Variants in CNR2 observed in about 807,000 individuals in gnomAD.
CNR2 encodes the protein cannabinoid receptor 2.
For missense variants in CNR2, 379 were observed against 439.9 expected (o/e 0.86, Z 1.24); for synonymous variants, 172 against 182.2 (o/e 0.94, Z 0.45).
intron 1 of CNR2, among the ~76,000 whole-genome samples, chr1:23,906,542 C>CTTTTTTTT (rs1454905989): frequency 2.1e-5 from 1 of 47,616 alleles, no homozygotes; most frequent in African/African-American, 4.9e-5. Context: ...TCTTTTTTTT[C>CTTTTTTTT]TTTCTTTTTT....
chr1:23,901,967 G>A lies in CNR2; in HGVS notation c.-46+11279C>T, dbSNP rs550045523. ...CTTGATCAGGGGGAAGTCCAGGCGG[G>A]GCTTGTTGGTGGCCGTGTACCACAG... On this transcript the variant is annotated intron_variant, in intron 1 of 1. Coordinates refer to ENST00000374472, the MANE Select transcript of CNR2 (RefSeq NM_001841.3). The A allele has an allele frequency of 1.0e-5, 16 of 1,604,780 alleles. No individual in the cohort carries two copies. In the South Asian group the frequency reaches 1.6e-4, roughly 17 times the overall value.
At position 23,872,400 on chromosome 1, in the gene CNR2, G is replaced by A. The variant is rs1178956781; in HGVS notation, c.*2135C>T. 1 of 151,988 alleles carries A rather than the reference G, an allele frequency of 6.6e-6. No individual in the cohort carries two copies. The highest frequency in any genetic ancestry group is 1.5e-5 in the Non-Finnish European group (1 of 68,006). The allele number at this position is 151,988 out of a possible 1,614,324, so 9.4% of individuals were successfully genotyped here. On this transcript the variant is annotated 3_prime_UTR_variant, in exon 2 of 2. Coordinates refer to ENST00000374472, the MANE Select transcript of CNR2 (RefSeq NM_001841.3). ...TGGATTTGTGAAATTTATTACAGGA[G>A]ATTAATACGGGGCCATTTAATAAAA... is the stretch of plus-strand genomic sequence containing the variant.
chr1:23,884,488 C>G (rs1039352092), intron 1 of CNR2, among the ~76,000 whole-genome samples: 10 of 149,776 alleles, frequency 6.7e-5, no homozygotes, highest in Non-Finnish European at 1.2e-4. Context: ...GTATTTTTAG[C>G]AGAGACGGGG....
At chr1:23,883,087 A>G (rs893860551) in intron 1 of CNR2, among the ~76,000 whole-genome samples, 1 of 152,240 alleles carries the variant, frequency 6.6e-6, no homozygotes, top group Non-Finnish European at 1.5e-5. Context: ...ACCACAATGA[A>G]GAAAAATACA....
intron 1 of CNR2, among the ~76,000 whole-genome samples, chr1:23,882,651 C>CAAAAA (rs34245051): frequency 5.3e-5 from 6 of 112,652 alleles, no homozygotes; most frequent in East Asian, 2.5e-4. Context: ...ACTAAAAATA[C>CAAAAA]AAAAAAAAAA....
intron 1 of CNR2, among the ~76,000 whole-genome samples, chr1:23,880,048 T>C (rs1639951971): frequency 6.6e-6 from 1 of 152,142 alleles, no homozygotes; most frequent in Non-Finnish European, 1.5e-5. Context: ...GCTGTTCCCT[T>C]TTCCTGGATC....
chr1:23,885,309 A>G (rs929271405), intron 1 of CNR2, among the ~76,000 whole-genome samples: 1 of 151,622 alleles, frequency 6.6e-6, no homozygotes, highest in Non-Finnish European at 1.5e-5. Flanking sequence ...ATGCACTTGG[A>G]TGGAAAGGGG....
intron 1 of CNR2, chr1:23,902,696 C>G (rs1640421337): frequency 1.3e-6 from 2 of 1,592,730 alleles, no homozygotes; most frequent in Non-Finnish European, 1.7e-6. Flanking sequence ...CGGCCACGAG[C>G]TCGTTGTTGA....
intron 1 of CNR2, among the ~76,000 whole-genome samples, chr1:23,876,563 C>T (rs566835196): frequency 1.9e-4 from 29 of 151,550 alleles, no homozygotes; most frequent in Admixed American, 1.6e-3. Flanking sequence ...TGGCTGGGCA[C>T]GGTGGTTCAC....
Position 23,875,641 on chromosome 1 carries a change from T to C in CNR2, c.-24A>G. 1 of 1,567,328 alleles carries C rather than the reference T, an allele frequency of 6.4e-7. No homozygotes were observed. The highest frequency in any genetic ancestry group is 8.7e-7 in the Non-Finnish European group (1 of 1,155,752). On this transcript the variant is annotated 5_prime_UTR_variant, in exon 2 of 2. Coordinates refer to ENST00000374472, the MANE Select transcript of CNR2 (RefSeq NM_001841.3). Reference sequence around the variant, plus strand: ...ATGGGGTGGGCCCTTCAGATTCCACTGAGCTTGTCTAGAAGGCTTTGCTGC... The same window carrying C: ...ATGGGGTGGGCCCTTCAGATTCCACCGAGCTTGTCTAGAAGGCTTTGCTGC...
chr1:23,875,144 C>T lies in CNR2; in HGVS notation c.474G>A (p.Trp158Ter), dbSNP rs781772998. Reference sequence around the variant, plus strand: ...GGTAGGAGACTAGTGCTGAGAGGACCCACATGATGCCCAGGGTCACCAGTG... The same window carrying T: ...GGTAGGAGACTAGTGCTGAGAGGACTCACATGATGCCCAGGGTCACCAGTG... The part of the protein sequence containing the change: ...GRALVTLGIM[W>*]VLSALVSYLP... Residue 158 changes from tryptophan to a stop codon, truncating the protein, a stop_gained, in exon 2 of 2, where the codon TGG becomes TGA. Coordinates refer to ENST00000374472, the MANE Select transcript of CNR2 (RefSeq NM_001841.3). LOFTEE classifies it low-confidence loss of function (END_TRUNC). 2 of 1,612,744 alleles carry T rather than the reference C, an allele frequency of 1.2e-6. No homozygotes were observed. Among genetic ancestry groups the T allele is most frequent in the Non-Finnish European group, 1.7e-6 (2 of 1,179,240 alleles).
chr1:23,881,747 G>A (rs532526340), intron 1 of CNR2, among the ~76,000 whole-genome samples: 10 of 151,492 alleles, frequency 6.6e-5, no homozygotes, highest in East Asian at 3.9e-4. Context: ...AAAATTAGCT[G>A]GGCATGGTGG....
At chr1:23,892,249 G>A (rs1359046786) in intron 1 of CNR2, among the ~76,000 whole-genome samples, 3 of 152,150 alleles carry the variant, frequency 2.0e-5, no homozygotes, top group Non-Finnish European at 2.9e-5. Context: ...TGGCAGTGGA[G>A]GTGGGACAGC....
At chr1:23,900,602 G>C (rs994764006) in intron 1 of CNR2, among the ~76,000 whole-genome samples, 4 of 149,582 alleles carry the variant, frequency 2.7e-5, no homozygotes, top group Non-Finnish European at 5.9e-5. Context: ...CGCCTCCCAG[G>C]TTCAAGCAAT....
chr1:23,912,385 C>T (rs1338266074), intron 1 of CNR2, among the ~76,000 whole-genome samples: 3 of 152,246 alleles, frequency 2.0e-5, no homozygotes, highest in Non-Finnish European at 4.4e-5. Context: ...CTGGTCATCT[C>T]AAAGGCCTCT....
At chr1:23,888,711 C>T (rs1180011612) in intron 1 of CNR2, among the ~76,000 whole-genome samples, 1 of 152,192 alleles carries the variant, frequency 6.6e-6, no homozygotes, top group African/African-American at 2.4e-5. Context: ...TGGCTCACGC[C>T]TGTAATCCCA....
intron 1 of CNR2, among the ~76,000 whole-genome samples, chr1:23,875,925 G>C (rs544199805): frequency 1.3e-5 from 2 of 152,128 alleles, no homozygotes; most frequent in Admixed American, 6.6e-5. Context: ...TTTTCCAAAA[G>C]ACTAATCCTA....
intron 1 of CNR2, chr1:23,901,644 A>T (rs1640400664): frequency 6.5e-7 from 1 of 1,526,734 alleles, no homozygotes; most frequent in Admixed American, 1.7e-5. Context: ...GCCATGTAGA[A>T]GGTGTCTTGT....
chr1:23,903,713 AG>A (rs1211791916), intron 1 of CNR2, among the ~76,000 whole-genome samples: 1 of 152,212 alleles, frequency 6.6e-6, no homozygotes, highest in Non-Finnish European at 1.5e-5. Context: ...CATAAATGCA[AG>A]GGTGAAAATG....
Sources: gnomAD v4.1 joint callset for allele counts (sites outside exome capture counted in the v4.1 genomes callset) on GRCh38, gnomAD v4.1.1 for gene constraint, MANE v1.5 for transcripts, NCBI Gene and HGNC (gene_info 2026-07-23, HGNC 2026-07-21) for gene names.